Variants in PPP1R3F observed in about 807,000 individuals in gnomAD.
PPP1R3F encodes the protein protein phosphatase 1, regulatory (inhibitor) subunit 3F.
In PPP1R3F, 29 loss-of-function variants were observed where a neutral mutation model predicts 24.2. The ratio of observed to expected loss-of-function variants is 1.20; its 90% CI spans 0.89 to 1.63. The LOEUF (loss-of-function observed/expected upper bound fraction) is 1.63, where lower values mean the gene tolerates loss of function less well. PPP1R3F is among the 40% of genes most tolerant of loss of function. PPP1R3F has a pLI of 0.00. For synonymous variants in PPP1R3F, 363 were observed against 340.1 expected (o/e 1.07, Z -0.74); for missense variants, 823 against 729.3 (o/e 1.13, Z -1.48).
At chrX:49,300,211 G>A (rs1557123199) in intron 3 of PPP1R3F, among the ~76,000 whole-genome samples, 2 of 111,161 alleles carry the variant, frequency 1.8e-5, no homozygotes, top group African/African-American at 6.6e-5. Context: ...TCTGGGCCTG[G>A]ATGCACCGTT....
At chrX:49,292,741 C>T (rs1341121964), downstream of PPP1R3F, among the ~76,000 whole-genome samples, 3 of 112,396 alleles carry the variant, frequency 2.7e-5, no homozygotes, top group Non-Finnish European at 3.8e-5. Flanking sequence ...GGGTGAGGCA[C>T]GCCCCACCTA....
At chrX:49,290,121 C>T (rs2066304467), downstream of PPP1R3F, among the ~76,000 whole-genome samples, 1 of 111,429 alleles carries the variant, frequency 9.0e-6, no homozygotes. Flanking sequence ...CACTCTTATG[C>T]AAAGACCTCA....
In PPP1R3F at chrX:49,270,136, T is replaced by G; in HGVS notation, c.267T>G (p.Asp89Glu). ...ADEDDDGEDG[D>E]EGEEEEEACP... ...AGGACGACGATGGCGAGGATGGGGA[T>G]GAAGGGGAGGAGGAAGAGGAGGCTT... The change falls in exon 1 of 4, where the codon GAT becomes GAG. Residue 89 changes from aspartate (D) to glutamate (E), a missense_variant. Physicochemically the swap from Asp to Glu is conservative, Grantham distance 45 (BLOSUM62 2). Transcript: ENST00000055335. 1.9e-6 allele frequency: 2 copies of G among 1,062,837 alleles called. No individual in the cohort carries two copies. Among genetic ancestry groups the G allele is most frequent in the Non-Finnish European group, 2.4e-6 (2 of 827,337 alleles). 87.6% of individuals were successfully genotyped at this position (1,062,837 alleles called of 1,213,427 possible).
chrX:49,270,147 A>G lies in PPP1R3F; in HGVS notation c.278A>G (p.Glu93Gly). The change falls in exon 1 of 4, where the codon GAG (glutamate) becomes GGG (glycine). Residue 93 changes from glutamate (E) to glycine (G), a missense_variant. By Grantham distance (98) the Glu-to-Gly change is moderately conservative. Transcript: ENST00000055335. The part of the protein sequence containing the change: ...DDGEDGDEGE[E>G]EEEACPEPSP... ...GGCGAGGATGGGGATGAAGGGGAGG[A>G]GGAAGAGGAGGCTTGCCCCGAGCCC... 9.3e-7 allele frequency: 1 copy of G among 1,072,906 alleles called. No homozygotes were observed. The highest frequency in any genetic ancestry group is 1.2e-6 in the Non-Finnish European group (1 of 832,514). 88.4% of individuals were successfully genotyped at this position (1,072,906 alleles called of 1,213,427 possible). A position where few individuals can be genotyped will look rare whatever the true frequency, so the allele number is the denominator to read the frequency against.
intron 1 of PPP1R3F, among the ~76,000 whole-genome samples, chrX:49,272,459 G>A (rs1187652350): frequency 8.9e-6 from 1 of 112,364 alleles, no homozygotes; most frequent in Non-Finnish European, 1.9e-5. Flanking sequence ...TCTACTTTAC[G>A]GGATAAGAGT....
intron 1 of PPP1R3F, chrX:49,281,090 T>G: frequency 9.1e-6 from 2 of 220,982 alleles, no homozygotes. Flanking sequence ...AAGCTAGCTG[T>G]GAAATTATGT....
downstream of PPP1R3F, among the ~76,000 whole-genome samples, chrX:49,292,853 C>T (rs1431002279): frequency 3.6e-5 from 4 of 111,965 alleles, no homozygotes; most frequent in Non-Finnish European, 7.5e-5. Flanking sequence ...ACACCCCCAA[C>T]GTGCAGGGGA....
chrX:49,279,592 G>C (rs1179809064), intron 1 of PPP1R3F, among the ~76,000 whole-genome samples: 1 of 111,816 alleles, frequency 8.9e-6, no homozygotes, highest in African/African-American at 3.3e-5. Flanking sequence ...GCTGAGGCAG[G>C]AGAATCACTT....
chrX:49,280,568 TGAG>T (rs1557120564), intron 1 of PPP1R3F, among the ~76,000 whole-genome samples: 2 of 102,878 alleles, frequency 1.9e-5, no homozygotes, highest in Non-Finnish European at 2.0e-5. Context: ...TTTTTGAGAC[TGAG>T]TTTCACTCTT....
chrX:49,274,350 A>T (rs1245495161), intron 1 of PPP1R3F: 1 of 111,433 alleles, frequency 9.0e-6, no homozygotes, highest in Non-Finnish European at 1.9e-5. Context: ...CCATTCCCCA[A>T]TCTGGCCTCC....
At chrX:49,297,463 C>T (rs1739127637) in intron 3 of PPP1R3F, among the ~76,000 whole-genome samples, 1 of 110,741 alleles carries the variant, frequency 9.0e-6, no homozygotes, top group African/African-American at 3.3e-5. Context: ...ATCCGCCCGC[C>T]TCGGCCTCTC....
At chrX:49,299,850 C>T (rs1412809961) in intron 3 of PPP1R3F, among the ~76,000 whole-genome samples, 1 of 111,726 alleles carries the variant, frequency 9.0e-6, no homozygotes, top group Non-Finnish European at 1.9e-5. Flanking sequence ...TAATGACAAA[C>T]GCCCCTCCCC....
chrX:49,281,731 G>A (rs1208616238), intron 2 of PPP1R3F, among the ~76,000 whole-genome samples: 5 of 109,945 alleles, frequency 4.5e-5, no homozygotes, highest in African/African-American at 1.7e-4. Flanking sequence ...GGGAGGCTGA[G>A]CTGGGAGGAT....
At chrX:49,272,116 T>C (rs1416545952) in intron 1 of PPP1R3F, among the ~76,000 whole-genome samples, 1 of 112,161 alleles carries the variant, frequency 8.9e-6, no homozygotes, top group Non-Finnish European at 1.9e-5. Context: ...CTGGCTGCAG[T>C]AAGACATTTG....
Position 49,286,471 on chromosome X carries a change from G to C in PPP1R3F, c.1781G>C (p.Ser594Thr), listed in dbSNP as rs1386933136. ...SVTPSSPEGD[S>T]PKESPPEILS... ...ACACCCTCCAGCCCAGAAGGGGACA[G>C]CCCCAAGGAATCGCCTCCAGAAATC... The change falls in exon 4 of 4, where the codon AGC (serine) becomes ACC (threonine). Residue 594 changes from serine (S) to threonine (T), a missense_variant. By Grantham distance (58) the Ser-to-Thr change is moderately conservative (BLOSUM62 1). Coordinates refer to ENST00000055335, the MANE Select transcript of PPP1R3F (RefSeq NM_033215.5). 8.3e-7 allele frequency: 1 copy of C among 1,203,159 alleles called. No homozygotes were observed. Among genetic ancestry groups the C allele is most frequent in the African/African-American group, 1.7e-5 (1 of 57,280 alleles).
rs1557121778 is a variant in PPP1R3F, at chrX:49,286,997, C to T, written c.2307C>T (p.Val769=). 8.3e-7 allele frequency: 1 copy of T among 1,211,745 alleles called. No individual in the cohort carries two copies. Among genetic ancestry groups the T allele is most frequent in the South Asian group, 1.8e-5 (1 of 56,982 alleles). Residue 769 remains valine, a synonymous_variant, in exon 4 of 4, where the codon GTC becomes GTT. Coordinates refer to ENST00000055335, the MANE Select transcript of PPP1R3F (RefSeq NM_033215.5). Reference sequence around the variant, plus strand: ...GGCCCTTGACCCAGACTCTGGGGGTCCTGGCCGGGCTAGTGGTGGTCCCTG... The same window carrying T: ...GGCCCTTGACCCAGACTCTGGGGGTTCTGGCCGGGCTAGTGGTGGTCCCTG... The part of the protein sequence containing the change: ...LRGPLTQTLG[V]LAGLVVVPVA...
intron 1 of PPP1R3F, chrX:49,273,319 C>T (rs2066192837): frequency 8.9e-6 from 1 of 111,882 alleles, no homozygotes; most frequent in Non-Finnish European, 1.9e-5. Flanking sequence ...AAATCAAAAC[C>T]TTGCAGGGCC....
At chrX:49,272,057 T>C (rs782238055) in intron 1 of PPP1R3F, among the ~76,000 whole-genome samples, 1 of 112,272 alleles carries the variant, frequency 8.9e-6, no homozygotes, top group Non-Finnish European at 1.9e-5. Flanking sequence ...GGAATGGAAA[T>C]GGGAAAATGC....
chrX:49,297,283 G>A (rs1223775342), intron 3 of PPP1R3F, among the ~76,000 whole-genome samples: 1 of 107,824 alleles, frequency 9.3e-6, no homozygotes, highest in Non-Finnish European at 1.9e-5. Context: ...GCGCAATCTC[G>A]GCTCACTTCA....
Sources: allele counts gnomAD v4.1 joint callset (sites outside exome capture counted in the v4.1 genomes callset), GRCh38; gene constraint gnomAD v4.1.1; transcripts MANE v1.5; gene names NCBI Gene and HGNC (gene_info 2026-07-23, HGNC 2026-07-21).